The following CERT1 variants were observed in gnomAD, a reference collection of about 807,000 sequenced individuals.
The protein encoded by CERT1 is ceramide transfer protein.
In CERT1, 31 loss-of-function variants were observed where a neutral mutation model predicts 87.9. The observed-to-expected ratio is 0.35, with a 90% CI of 0.27 to 0.48. The LOEUF is 0.48. Ranked by LOEUF, CERT1 falls within the 20% of genes least tolerant of loss-of-function variation. CERT1 has a pLI of 0.99. For synonymous variants in CERT1, 289 were observed against 250.9 expected (o/e 1.15, Z -1.44); for missense variants, 487 against 758.0 (o/e 0.64, Z 4.20).
In CERT1 at chr5:75,381,912, A is replaced by G. The variant is rs1302784475; in HGVS notation, c.1617+37T>C. ...TCCCGCATTGTGTATTTAGCTTTAT[A>G]TTGTTTAATTATACACATTTATATA... On this transcript the variant is annotated intron_variant, in intron 15 of 16. Transcript: ENST00000643780. 4.4e-6 allele frequency: 7 copies of G among 1,574,408 alleles called. No individual in the cohort carries two copies. In the Middle Eastern group the frequency reaches 6.6e-4, roughly 148 times the overall value.
At chr5:75,398,568 G>A (rs757242190) in intron 11 of CERT1, among the ~76,000 whole-genome samples, 47 of 151,912 alleles carry the variant, frequency 3.1e-4, no homozygotes, top group Non-Finnish European at 8.8e-5. Context: ...TCACCAGAAA[G>A]ATAAAAAGTT....
At chr5:75,399,451 A>C (rs1431203469) in intron 10 of CERT1, 64 bp from the exon 11 acceptor site, 1 of 1,168,796 alleles carries the variant, frequency 8.6e-7, no homozygotes, top group East Asian at 2.4e-5. Context: ...AGCATTCAGT[A>C]CCAACTTCCA....
chr5:75,410,334 G>A (rs939207994), intron 8 of CERT1, among the ~76,000 whole-genome samples: 5 of 152,072 alleles, frequency 3.3e-5, no homozygotes. Flanking sequence ...AGTAGGCCGG[G>A]CGGGGTGGCT....
downstream of CERT1, chr5:75,377,007 G>C (rs1158114701): frequency 6.6e-6 from 1 of 152,150 alleles, no homozygotes; most frequent in African/African-American, 2.4e-5. Context: ...TCCAGTGTAG[G>C]TGAGAATGAG....
Position 75,382,197 on chromosome 5 carries a change from C to A in CERT1, c.1489-120G>T. ...CTCTCAAATTTTAAATGGAAAGCAT[C>A]TGAGGATATCTACCAAATGATTAAT... On this transcript the variant is annotated intron_variant, in intron 14 of 16. Coordinates refer to ENST00000643780, the MANE Select transcript of CERT1 (RefSeq NM_001379029.1). 3.8e-6 allele frequency: 3 copies of A among 797,538 alleles called. No individual in the cohort carries two copies. The South Asian group carries it at 5.7e-5, about 15-fold the overall frequency. The allele number at this position is 797,538 out of a possible 1,614,324, so 49.4% of individuals were successfully genotyped here.
chr5:75,510,282 C>A (rs1471427313), intron 1 of CERT1, among the ~76,000 whole-genome samples: 1 of 151,682 alleles, frequency 6.6e-6, no homozygotes, highest in Non-Finnish European at 1.5e-5. Flanking sequence ...CTTCTTACAG[C>A]AAAAACTTAA....
upstream of CERT1, chr5:75,511,921 A>T (rs1218853270): frequency 1.7e-5 from 20 of 1,200,138 alleles, no homozygotes; most frequent in Non-Finnish European, 2.3e-5. Flanking sequence ...ACGGGTGAGT[A>T]TCCCGCGCGG....
In CERT1 at chr5:75,425,502, G is replaced by A; in HGVS notation, c.457-3C>T. On this transcript the variant is annotated splice_region_variant and splice_polypyrimidine_tract_variant and intron_variant, in intron 4 of 16. Coordinates refer to ENST00000643780, the MANE Select transcript of CERT1 (RefSeq NM_001379029.1). ...TTCTCACGTAAACTGTGGCCTTTCT[G>A]CAAAACATAAAATAGGGGGATGTAA... 3 of 1,611,612 alleles carry A rather than the reference G, an allele frequency of 1.9e-6. No homozygotes were observed. Among genetic ancestry groups the A allele is most frequent in the Non-Finnish European group, 2.5e-6 (3 of 1,179,320 alleles).
At chr5:75,454,122 G>T (rs544289541) in intron 3 of CERT1, among the ~76,000 whole-genome samples, 1 of 152,306 alleles carries the variant, frequency 6.6e-6, no homozygotes, top group East Asian at 1.9e-4. Context: ...CAGGCTAACC[G>T]CAAAGTATAA....
chr5:75,410,178 A>G (rs1020897538), intron 8 of CERT1, among the ~76,000 whole-genome samples: 1 of 152,152 alleles, frequency 6.6e-6, no homozygotes, highest in Non-Finnish European at 1.5e-5. Flanking sequence ...AGCTTATAAG[A>G]TTTTAATGTA....
chr5:75,388,984 T>A (rs1580702451), intron 12 of CERT1, among the ~76,000 whole-genome samples: 1 of 152,010 alleles, frequency 6.6e-6, no homozygotes, highest in Non-Finnish European at 1.5e-5. Context: ...GCTTGGAGAG[T>A]GTCTTATTAT....
chr5:75,430,241 T>C (rs1013932915), intron 3 of CERT1, among the ~76,000 whole-genome samples: 4 of 152,192 alleles, frequency 2.6e-5, no homozygotes, highest in African/African-American at 9.7e-5. Flanking sequence ...ACATTCTATC[T>C]ATAAAAAGTA....
chr5:75,507,182 G>A (rs1301017281), intron 1 of CERT1, among the ~76,000 whole-genome samples: 1 of 152,114 alleles, frequency 6.6e-6, no homozygotes, highest in African/African-American at 2.4e-5. Flanking sequence ...AGGATGGAGT[G>A]CAGTGGCACC....
chr5:75,445,958 T>A (rs893558305), intron 3 of CERT1, among the ~76,000 whole-genome samples: 2 of 152,230 alleles, frequency 1.3e-5, no homozygotes, highest in South Asian at 4.1e-4. Context: ...GGATACTCTG[T>A]ATGTCTTTTG....
At chr5:75,370,789 T>TA (rs1186202384) in intron 17 of CERT1, 1 of 151,860 alleles carries the variant, frequency 6.6e-6, no homozygotes, top group Non-Finnish European at 1.5e-5. Flanking sequence ...CTGTCTCTAC[T>TA]AAAAATACAA....
chr5:75,479,288 AGT>A (rs1475310714), intron 2 of CERT1, among the ~76,000 whole-genome samples: 2 of 152,142 alleles, frequency 1.3e-5, no homozygotes, highest in Non-Finnish European at 2.9e-5. Context: ...AGATTTTTAC[AGT>A]CTTTTTTTTT....
At chr5:75,371,481 A>C (rs1011177079) in intron 17 of CERT1, 1 of 152,240 alleles carries the variant, frequency 6.6e-6, no homozygotes, top group African/African-American at 2.4e-5. Flanking sequence ...TTAGTTGATG[A>C]AACTGAACAA....
Position 75,381,940 on chromosome 5 carries a change from T to C in CERT1, c.1617+9A>G, listed in dbSNP as rs747556461. The C allele has an allele frequency of 6.2e-6, 10 of 1,610,322 alleles. No homozygotes were observed. Among genetic ancestry groups the C allele is most frequent in the Admixed American group, 1.7e-5 (1 of 59,686 alleles). ...GTTTAATTATACACATTTATATACA[T>C]GTACTTACAGGAGCACTGTCATGAT... On this transcript the variant is annotated intron_variant, in intron 15 of 16. Coordinates refer to ENST00000643780, the MANE Select transcript of CERT1 (RefSeq NM_001379029.1).
intron 17 of CERT1, chr5:75,370,244 G>A (rs1761033701): frequency 1.3e-5 from 2 of 152,162 alleles, no homozygotes; most frequent in Admixed American, 1.3e-4. Flanking sequence ...TGAACACTAG[G>A]AGAGAAATAT....
Sources: allele counts gnomAD v4.1 joint callset (sites outside exome capture counted in the v4.1 genomes callset), GRCh38; gene constraint gnomAD v4.1.1; transcripts MANE v1.5; gene names NCBI Gene and HGNC (gene_info 2026-07-23, HGNC 2026-07-21).